The following MAML2 variants were observed in gnomAD, a reference collection of about 807,000 sequenced individuals.
MAML2 encodes mastermind like transcriptional coactivator 2, also known as mastermind-like protein 2.
In MAML2, 22 loss-of-function variants were observed where a neutral mutation model predicts 96.1. The ratio of observed to expected loss-of-function variants is 0.23; its 90% CI spans 0.16 to 0.33. MAML2 has a LOEUF of 0.33. MAML2 is among the 10% of genes least tolerant of loss of function. The pLI, the probability that MAML2 is intolerant of heterozygous loss-of-function variation, is 1.00. For missense variants in MAML2, 1,367 were observed against 1,392.4 expected (o/e 0.98, Z 0.29); for synonymous variants, 561 against 521.3 (o/e 1.08, Z -1.04).
Position 96,054,310 on chromosome 11 carries a change from C to G in MAML2, c.2139+37582G>C, listed in dbSNP as rs187317932. Among the ~76,000 whole-genome samples, 32 of 152,230 alleles carry G rather than the reference C, an allele frequency of 2.1e-4. No homozygotes were observed. In the East Asian group the frequency reaches 6.0e-3, roughly 28 times the overall value. On this transcript the variant is annotated intron_variant, in intron 2 of 4. Transcript: ENST00000524717. ...GTGCCTTAACTTTTTAAATAGCTCA[C>G]TAGGACAGTAAAATTCACTGAGTGA... is the stretch of plus-strand genomic sequence containing the variant.
chr11:96,333,379 G>A (rs779515242), intron 1 of MAML2, among the ~76,000 whole-genome samples: 18 of 151,332 alleles, frequency 1.2e-4, no homozygotes, highest in Admixed American at 6.6e-5. Flanking sequence ...AAAAATTTTT[G>A]ACTACATTCT....
At chr11:96,050,400 G>A (rs1486894297) in intron 2 of MAML2, among the ~76,000 whole-genome samples, 3 of 152,178 alleles carry the variant, frequency 2.0e-5, no homozygotes, top group Non-Finnish European at 1.5e-5. Context: ...CATATTTGTG[G>A]CATATATGAG....
At chr11:96,252,474 G>A (rs1445041833) in intron 1 of MAML2, among the ~76,000 whole-genome samples, 2 of 141,994 alleles carry the variant, frequency 1.4e-5, no homozygotes, top group South Asian at 2.2e-4. Flanking sequence ...TCACGAGGCT[G>A]GAGTGCAGTG....
chr11:96,051,051 A>AGC (rs1392011497), intron 2 of MAML2, among the ~76,000 whole-genome samples: 4 of 130,420 alleles, frequency 3.1e-5, no homozygotes, highest in Non-Finnish European at 7.2e-5. Context: ...ATGTTGGTTT[A>AGC]GTGTCATTTC....
At chr11:96,115,313 A>G (rs966835104) in intron 1 of MAML2, among the ~76,000 whole-genome samples, 3 of 151,976 alleles carry the variant, frequency 2.0e-5, no homozygotes, top group Admixed American at 1.3e-4. Flanking sequence ...ACAGGTGTGT[A>G]CCATCATGCT....
At chr11:96,219,171 C>A (rs1468845659) in intron 1 of MAML2, among the ~76,000 whole-genome samples, 1 of 152,204 alleles carries the variant, frequency 6.6e-6, no homozygotes, top group Non-Finnish European at 1.5e-5. Flanking sequence ...AAATAAGGCC[C>A]TTCACATACT....
At chr11:96,287,145 T>C (rs1481620577) in intron 1 of MAML2, among the ~76,000 whole-genome samples, 1 of 152,208 alleles carries the variant, frequency 6.6e-6, no homozygotes, top group Non-Finnish European at 1.5e-5. Flanking sequence ...CATCAGATAG[T>C]TGTATAAAGA....
intron 1 of MAML2, among the ~76,000 whole-genome samples, chr11:96,178,078 T>C (rs1216045665): frequency 2.3e-5 from 3 of 130,254 alleles, no homozygotes; most frequent in Non-Finnish European, 1.6e-5. Context: ...TTCTGGGAAT[T>C]TTTCTTTCTT....
At chr11:96,075,981 C>T (rs2135793102) in intron 2 of MAML2, among the ~76,000 whole-genome samples, 1 of 152,288 alleles carries the variant, frequency 6.6e-6, no homozygotes, top group East Asian at 1.9e-4. Flanking sequence ...CCTTGGGTGG[C>T]CCTGCTTTGT....
At chr11:96,144,088 G>A (rs1860775854) in intron 1 of MAML2, among the ~76,000 whole-genome samples, 1 of 152,174 alleles carries the variant, frequency 6.6e-6, no homozygotes, top group African/African-American at 2.4e-5. Flanking sequence ...TTTCATGGCT[G>A]GAAGTATGAC....
chr11:96,169,436 T>C (rs1861246133), intron 1 of MAML2, among the ~76,000 whole-genome samples: 1 of 152,202 alleles, frequency 6.6e-6, no homozygotes, highest in Non-Finnish European at 1.5e-5. Context: ...GCCCTGGGGA[T>C]GGGCAACCCA....
intron 3 of MAML2, among the ~76,000 whole-genome samples, chr11:95,986,610 G>T (rs532394447): frequency 6.6e-6 from 1 of 151,908 alleles, no homozygotes; most frequent in Non-Finnish European, 1.5e-5. Context: ...TTTTACCTTC[G>T]CATAAACAAT....
At chr11:96,284,455 C>A (rs767642480) in intron 1 of MAML2, among the ~76,000 whole-genome samples, 31 of 152,180 alleles carry the variant, frequency 2.0e-4, no homozygotes, top group Admixed American at 5.9e-4. Context: ...TCCAAGTTAA[C>A]AATAGTTTCT....
chr11:96,040,645 T>C (rs1179498831), intron 2 of MAML2, among the ~76,000 whole-genome samples: 1 of 152,098 alleles, frequency 6.6e-6, no homozygotes, highest in Non-Finnish European at 1.5e-5. Flanking sequence ...TGGGCGCCTG[T>C]AATCCTAGCT....
chr11:96,213,990 C>T (rs1285195960), intron 1 of MAML2, among the ~76,000 whole-genome samples: 1 of 152,168 alleles, frequency 6.6e-6, no homozygotes, highest in Non-Finnish European at 1.5e-5. Context: ...TTAAAGTGGA[C>T]ACAAATGCCC....
At chr11:96,077,213 C>G (rs1859454507) in intron 2 of MAML2, among the ~76,000 whole-genome samples, 1 of 90,442 alleles carries the variant, frequency 1.1e-5, no homozygotes, top group African/African-American at 5.2e-5. Flanking sequence ...CCCCAACTCT[C>G]TCTCTCTTTT....
At chr11:96,192,522 A>C (rs1043832708) in intron 1 of MAML2, among the ~76,000 whole-genome samples, 1 of 152,262 alleles carries the variant, frequency 6.6e-6, no homozygotes, top group Non-Finnish European at 1.5e-5. Flanking sequence ...GATTCTAAGA[A>C]AAATGGAGGT....
At chr11:96,289,602 A>T (rs1254344479) in intron 1 of MAML2, among the ~76,000 whole-genome samples, 2 of 152,222 alleles carry the variant, frequency 1.3e-5, no homozygotes, top group Non-Finnish European at 2.9e-5. Flanking sequence ...ATCATTAAAC[A>T]TCTTGCTCTG....
intron 1 of MAML2, among the ~76,000 whole-genome samples, chr11:96,234,088 A>G (rs1029053707): frequency 6.6e-6 from 1 of 152,206 alleles, no homozygotes; most frequent in African/African-American, 2.4e-5. Flanking sequence ...TCAAACATTT[A>G]TGCATATGGA....
Sources: allele counts gnomAD v4.1 joint callset (sites outside exome capture counted in the v4.1 genomes callset), GRCh38; gene constraint gnomAD v4.1.1; transcripts MANE v1.5; gene names NCBI Gene and HGNC (gene_info 2026-07-23, HGNC 2026-07-21).